SGCD: variants seen among roughly 807,000 people sequenced by gnomAD.
SGCD encodes the protein delta-sarcoglycan.
A neutral mutation model predicts 36.6 loss-of-function variants in SGCD; 18 were observed. The ratio of observed to expected loss-of-function variants is 0.49; its 90% CI spans 0.34 to 0.73. SGCD has a LOEUF of 0.73. SGCD is among the 30% of genes least tolerant of loss of function. The pLI is 0.01. For synonymous variants in SGCD, 133 were observed against 130.6 expected, an observed-to-expected ratio of 1.02 and a Z score of -0.12; for missense variants, 387 against 346.7, an observed-to-expected ratio of 1.12 and a Z score of -0.92.
chr5:156,058,586 G>A (rs1370953323), intron 1 of SGCD, among the ~76,000 whole-genome samples: 1 of 145,100 alleles, frequency 6.9e-6, no homozygotes, highest in Non-Finnish European at 1.5e-5. Context: ...GCAATGCGTG[G>A]GCCTAAATTT....
the SGCD span, among the ~76,000 whole-genome samples, chr5:155,770,409 C>T: frequency 1.3e-5 from 2 of 151,938 alleles, no homozygotes; most frequent in South Asian, 2.1e-4. Context: ...GATGGAATAT[C>T]GCATAGAAGC....
Position 156,589,607 on chromosome 5 carries a change from C to G in SGCD, c.382+289C>G, listed in dbSNP as rs527416334. On this transcript the variant is annotated intron_variant, in intron 5 of 8. Transcript: ENST00000337851. ...CCTAAATATAAACCAGCTGCTTCATCAGGTGCTCAGCCAAAGAAAAGCTTC... is the reference window on the plus strand; with the variant it reads ...CCTAAATATAAACCAGCTGCTTCATGAGGTGCTCAGCCAAAGAAAAGCTTC... 3.9e-5 allele frequency among the ~76,000 whole-genome samples: 6 copies of G among 152,300 alleles called. No homozygotes were observed. The South Asian group carries it at 1.2e-3, about 32-fold the overall frequency.
intron 7 of SGCD, among the ~76,000 whole-genome samples, chr5:156,672,646 TCTTA>T (rs1490765177): frequency 6.6e-6 from 1 of 152,240 alleles, no homozygotes; most frequent in Non-Finnish European, 1.5e-5. Flanking sequence ...TTTCTTCTGT[TCTTA>T]CTTCTTCTCT....
At chr5:156,026,796 C>A (rs977484375) in intron 1 of SGCD, among the ~76,000 whole-genome samples, 1 of 152,090 alleles carries the variant, frequency 6.6e-6, no homozygotes, top group Non-Finnish European at 1.5e-5. Context: ...TGGGAAAAAT[C>A]TGACTGATGG....
At chr5:156,754,355 T>C (rs961272) in intron 7 of SGCD, among the ~76,000 whole-genome samples, 5,368 of 152,290 alleles carry the variant, frequency 0.035, 307 homozygotes, top group African/African-American at 0.12. Context: ...TGTACCAAGT[T>C]TGAACACATT....
intron 3 of SGCD, among the ~76,000 whole-genome samples, chr5:156,476,109 T>TAAGCA (rs986227872): frequency 6.6e-6 from 1 of 152,156 alleles, no homozygotes; most frequent in African/African-American, 2.4e-5. Context: ...AACTTATCAT[T>TAAGCA]AAGCCAAGCC....
chr5:156,529,760 T>C (rs1187176592), intron 4 of SGCD, among the ~76,000 whole-genome samples: 1 of 152,236 alleles, frequency 6.6e-6, no homozygotes, highest in Non-Finnish European at 1.5e-5. Flanking sequence ...ACTGTTACTT[T>C]GATTTTGTGA....
In SGCD at chr5:156,742,025, A is replaced by AC. The variant is rs557216925; in HGVS notation, c.576-15554dup. Among the ~76,000 whole-genome samples, 1,028 of 152,094 alleles carry AC rather than the reference A, an allele frequency of 6.8e-3. 5 individuals carry two copies. The highest frequency in any genetic ancestry group is 0.012 in the Non-Finnish European group (785 of 67,984). On this transcript the variant is annotated intron_variant, in intron 7 of 8. Transcript: ENST00000337851. ...TGAGTAGCTGGGACAACAGGCACCC[A>AC]CCACCACGCCTGGCTAATTTTTTGT...
At chr5:156,215,569 A>G (rs370080978) in intron 3 of SGCD, among the ~76,000 whole-genome samples, 2 of 152,184 alleles carry the variant, frequency 1.3e-5, no homozygotes, top group Admixed American at 1.3e-4. Flanking sequence ...GCTAACAGGT[A>G]TATGAAAAAA....
the SGCD span, among the ~76,000 whole-genome samples, chr5:155,739,547 C>T: frequency 6.6e-6 from 1 of 152,184 alleles, no homozygotes; most frequent in African/African-American, 2.4e-5. Context: ...AGCTCTATGG[C>T]TGTTGTTAAA....
At chr5:156,331,807 G>T (rs1341519966) in intron 2 of SGCD, among the ~76,000 whole-genome samples, 2 of 152,194 alleles carry the variant, frequency 1.3e-5, no homozygotes, top group African/African-American at 2.4e-5. Context: ...CCTCATTGGG[G>T]TTGTGATATT....
chr5:156,431,007 G>T (rs1247999349), intron 3 of SGCD, among the ~76,000 whole-genome samples: 1 of 152,162 alleles, frequency 6.6e-6, no homozygotes, highest in Non-Finnish European at 1.5e-5. Context: ...AGATAAGGCA[G>T]GTGGGTAGAT....
chr5:155,945,760 C>A (rs550816848), intron 1 of SGCD, among the ~76,000 whole-genome samples: 1 of 152,096 alleles, frequency 6.6e-6, no homozygotes, highest in Admixed American at 6.5e-5. Flanking sequence ...GCTGGAGAAG[C>A]GGCCAGGGAC....
intron 4 of SGCD, among the ~76,000 whole-genome samples, chr5:156,529,591 T>C (rs1391410893): frequency 1.3e-5 from 2 of 152,138 alleles, no homozygotes; most frequent in Non-Finnish European, 2.9e-5. Flanking sequence ...TTCTGGCAAC[T>C]CTGGCTGTAC....
At chr5:155,780,561 G>A in the SGCD span, among the ~76,000 whole-genome samples, 1 of 152,122 alleles carries the variant, frequency 6.6e-6, no homozygotes, top group Non-Finnish European at 1.5e-5. Flanking sequence ...TACTTGTCTT[G>A]CTGCTCTTTG....
At chr5:156,501,730 T>C (rs114236371) in intron 3 of SGCD, among the ~76,000 whole-genome samples, 2,906 of 152,276 alleles carry the variant, frequency 0.019, 35 homozygotes, top group Non-Finnish European at 0.031. Flanking sequence ...CTATTCTGAG[T>C]TGAGTACCGC....
chr5:156,148,441 G>A (rs1762757719), intron 3 of SGCD, among the ~76,000 whole-genome samples: 1 of 152,096 alleles, frequency 6.6e-6, no homozygotes. Context: ...TATCTGTCTT[G>A]CTAACATATG....
chr5:155,825,237 A>G, the SGCD span, among the ~76,000 whole-genome samples: 13 of 152,212 alleles, frequency 8.5e-5, no homozygotes, highest in Non-Finnish European at 1.9e-4. Context: ...GAAAAAAAGA[A>G]AAGCGGACTT....
At chr5:156,622,306 G>A (rs1030143546) in intron 6 of SGCD, among the ~76,000 whole-genome samples, 35 of 151,670 alleles carry the variant, frequency 2.3e-4, no homozygotes, top group Admixed American at 3.9e-4. Context: ...GGTGGTGGGC[G>A]CCTGTAATCT....
Sources: allele counts gnomAD v4.1 joint callset (sites outside exome capture counted in the v4.1 genomes callset), GRCh38; gene constraint gnomAD v4.1.1; transcripts MANE v1.5; gene names NCBI Gene and HGNC (gene_info 2026-07-23, HGNC 2026-07-21).